Variants in ATG7 observed in about 807,000 individuals in gnomAD.
ATG7 encodes the protein autophagy related 7.
A neutral mutation model predicts 82.4 loss-of-function variants in ATG7; 70 were observed. The ratio of observed to expected loss-of-function variants is 0.85; its 90% CI spans 0.70 to 1.04. The LOEUF is 1.04. ATG7 is among the 50% of genes least tolerant of loss of function. The pLI, the probability that ATG7 is intolerant of heterozygous loss-of-function variation, is 0.00. For missense variants in ATG7, 792 were observed against 864.3 expected (o/e 0.92, Z 1.05); for synonymous variants, 287 against 313.0 (o/e 0.92, Z 0.88).
intron 18 of ATG7, among the ~76,000 whole-genome samples, chr3:11,378,070 C>G (rs1001287834): frequency 9.0e-6 from 1 of 110,980 alleles, no homozygotes; most frequent in South Asian, 3.1e-4. Context: ...CTCTGTCACT[C>G]AGGCTGGATC....
chr3:11,437,250 A>T (rs1055567988), intron 20 of ATG7, among the ~76,000 whole-genome samples: 1 of 152,026 alleles, frequency 6.6e-6, no homozygotes. Context: ...TATGACAAGG[A>T]TCTCTTCCAT....
chr3:11,360,881 T>G, intron 16 of ATG7, 97 bp downstream of exon 16: 3 of 1,298,562 alleles, frequency 2.3e-6, no homozygotes, highest in Non-Finnish European at 3.2e-6. Flanking sequence ...TATTTAAATA[T>G]TATCTTTTAA....
chr3:11,454,995 A>G (rs928398561), intron 20 of ATG7, among the ~76,000 whole-genome samples: 5 of 152,228 alleles, frequency 3.3e-5, no homozygotes, highest in African/African-American at 1.2e-4. Context: ...ATATGGAAAG[A>G]TAGCCTGACT....
chr3:11,309,226 G>C (rs919973396), intron 7 of ATG7, among the ~76,000 whole-genome samples, 165 bp downstream of exon 7: 1 of 152,188 alleles, frequency 6.6e-6, no homozygotes, highest in Admixed American at 6.5e-5. Flanking sequence ...GATAGTGCTG[G>C]CACCTATTAC....
chr3:11,338,578 G>C (rs1469102993), intron 11 of ATG7, among the ~76,000 whole-genome samples: 1 of 152,104 alleles, frequency 6.6e-6, no homozygotes, highest in Non-Finnish European at 1.5e-5. Context: ...TGCTCCGAAG[G>C]CTGAAGCTGG....
intron 20 of ATG7, among the ~76,000 whole-genome samples, chr3:11,507,736 C>T (rs1318446713): frequency 6.6e-6 from 1 of 152,072 alleles, no homozygotes; most frequent in Non-Finnish European, 1.5e-5. Context: ...TTAAGAAGCC[C>T]TGCTGGGAAT....
chr3:11,572,373 C>T, the ATG7 span, among the ~76,000 whole-genome samples: 2 of 152,092 alleles, frequency 1.3e-5, no homozygotes, highest in African/African-American at 2.4e-5. Flanking sequence ...TTCCATTTTC[C>T]GGGAGGGAGG....
chr3:11,298,121 G>A (rs927059270), intron 3 of ATG7, among the ~76,000 whole-genome samples: 2 of 151,916 alleles, frequency 1.3e-5, no homozygotes, highest in Middle Eastern at 3.2e-3. Context: ...GGAGGTTGTA[G>A]TGAGCCGAGA....
intron 20 of ATG7, among the ~76,000 whole-genome samples, chr3:11,430,132 C>T (rs1160540423): frequency 3.3e-5 from 5 of 151,878 alleles, no homozygotes. Context: ...GGTATTTGAG[C>T]TTATAACCCG....
chr3:11,554,993 T>G lies in ATG7; in HGVS notation c.*150T>G. The G allele has an allele frequency of 1.0e-6, 1 of 991,716 alleles. No homozygotes were observed. Among genetic ancestry groups the G allele is most frequent in the Non-Finnish European group, 1.4e-6 (1 of 695,340 alleles). 61.4% of individuals were successfully genotyped at this position (991,716 alleles called of 1,614,324 possible). On this transcript the variant is annotated 3_prime_UTR_variant, in exon 21 of 21. Transcript: ENST00000693202. Reference sequence around the variant, plus strand: ...GATTCCCCCCTCTGCTGCCCAGGAGTGGCCAGTGTTCGGCGTTGCTCGGGA... The same window carrying G: ...GATTCCCCCCTCTGCTGCCCAGGAGGGGCCAGTGTTCGGCGTTGCTCGGGA...
At chr3:11,450,353 G>A (rs2084990192) in intron 20 of ATG7, among the ~76,000 whole-genome samples, 1 of 152,172 alleles carries the variant, frequency 6.6e-6, no homozygotes, top group Admixed American at 6.5e-5. Flanking sequence ...GCCTTCACGT[G>A]TTTGACCATG....
intron 19 of ATG7, among the ~76,000 whole-genome samples, chr3:11,405,945 TTTCCTTCCTTTCCTTTTC>T (rs1288271434): frequency 6.6e-6 from 1 of 152,054 alleles, no homozygotes; most frequent in East Asian, 1.9e-4. Flanking sequence ...AGCATTTCTC[TTTCCTTCCTTTCCTTTTC>T]TTCCTTCCTT....
rs189270260 is a variant in ATG7, at chr3:11,440,258, C to T, written c.2079+13332C>T. ...TTACTTGTAGATGAACTTGCGACTCCAATCCCAACTTACCATTGGGAAAAG... is the reference window on the plus strand; with the variant it reads ...TTACTTGTAGATGAACTTGCGACTCTAATCCCAACTTACCATTGGGAAAAG... On this transcript the variant is annotated intron_variant, in intron 20 of 20. Transcript: ENST00000693202. 2.0e-4 allele frequency among the ~76,000 whole-genome samples: 31 copies of T among 151,668 alleles called. No individual in the cohort carries two copies. In the East Asian group the frequency reaches 6.0e-3, roughly 29 times the overall value.
intron 20 of ATG7, among the ~76,000 whole-genome samples, chr3:11,523,898 C>G (rs1304252470): frequency 6.6e-6 from 1 of 152,190 alleles, no homozygotes; most frequent in Non-Finnish European, 1.5e-5. Flanking sequence ...TCTGTTTCCA[C>G]TTGTCTGGTA....
At chr3:11,565,804 G>A in the ATG7 span, among the ~76,000 whole-genome samples, 11 of 152,282 alleles carry the variant, frequency 7.2e-5, no homozygotes, top group East Asian at 1.5e-3. This position sits in a 1 kb window ranked among gnomAD's most constrained non-coding sequence, Gnocchi z 4.1. Context: ...TGAAGGCAGC[G>A]TTACGTGTTG....
chr3:11,341,988 C>G, intron 12 of ATG7, 147 bp from the exon 13 acceptor site: 1 of 967,882 alleles, frequency 1.0e-6, no homozygotes, highest in Non-Finnish European at 1.5e-6. Flanking sequence ...CTTTCTCCTC[C>G]CTGCTTACCC....
At chr3:11,349,477 C>T (rs1278040144) in intron 14 of ATG7, among the ~76,000 whole-genome samples, 3 of 152,078 alleles carry the variant, frequency 2.0e-5, no homozygotes, top group Non-Finnish European at 4.4e-5. Context: ...GTCAAGGCTG[C>T]AGATTTTGAG....
chr3:11,483,334 G>A (rs1193548323), intron 20 of ATG7, among the ~76,000 whole-genome samples: 1 of 152,170 alleles, frequency 6.6e-6, no homozygotes, highest in Non-Finnish European at 1.5e-5. Flanking sequence ...TCACCATATA[G>A]TCTTTCTAAG....
At chr3:11,512,366 C>T (rs2092103708) in intron 20 of ATG7, among the ~76,000 whole-genome samples, 1 of 152,218 alleles carries the variant, frequency 6.6e-6, no homozygotes, top group East Asian at 1.9e-4. Context: ...CCTGGTGCTG[C>T]AGCTTGGCCA....
Sources: gnomAD v4.1 joint callset for allele counts (sites outside exome capture counted in the v4.1 genomes callset) on GRCh38, gnomAD v4.1.1 for gene constraint, Gnocchi (gnomAD v3.1) non-coding constraint, MANE v1.5 for transcripts, NCBI Gene and HGNC (gene_info 2026-07-23, HGNC 2026-07-21) for gene names.